Variants in SOX6 observed in about 807,000 individuals in gnomAD.
SOX6 encodes the protein SRY-box transcription factor 6.
SOX6 carries 11 observed loss-of-function variants against 97.8 expected under a neutral mutation model. The ratio of observed to expected loss-of-function variants is 0.11; its 90% CI spans 0.07 to 0.19. The LOEUF (loss-of-function observed/expected upper bound fraction) is 0.19, where lower values mean the gene tolerates loss of function less well. SOX6 is among the 10% of genes least tolerant of loss of function. The pLI, the probability that SOX6 is intolerant of heterozygous loss-of-function variation, is 1.00. For missense variants in SOX6, 810 were observed against 1,039.5 expected, an observed-to-expected ratio of 0.78 and a Z score of 3.04; for synonymous variants, 360 against 371.4, an observed-to-expected ratio of 0.97 and a Z score of 0.35.
At position 15,974,479 on chromosome 11, in the gene SOX6, C is replaced by T. The variant is rs553756129; in HGVS notation, c.2184-1367G>A. ...TATGTATACATGTGCCATGCTGGTG[C>T]GCTGCACCCACTAATGTGTCATCTA... On this transcript the variant is annotated intron_variant, in intron 15 of 15. Transcript: ENST00000683767. Among the ~76,000 whole-genome samples, 574 of 139,476 alleles carry T rather than the reference C, an allele frequency of 4.1e-3. 1 individual carries two copies. The highest frequency in any genetic ancestry group is 0.037 in the Middle Eastern group (8 of 214). 91.5% of individuals were successfully genotyped at this position (139,476 alleles called of 152,430 possible). A position where few individuals can be genotyped will look rare whatever the true frequency, so the allele number is the denominator to read the frequency against.
intron 1 of SOX6, among the ~76,000 whole-genome samples, chr11:16,473,424 T>A (rs1197675128): frequency 6.6e-6 from 1 of 152,206 alleles, no homozygotes; most frequent in Non-Finnish European, 1.5e-5. Context: ...AAAATCATAA[T>A]GATCATTTGA....
chr11:16,247,053 C>T (rs1853358335), intron 3 of SOX6, among the ~76,000 whole-genome samples: 1 of 152,054 alleles, frequency 6.6e-6, no homozygotes, highest in African/African-American at 2.4e-5. Flanking sequence ...CATTTTATCC[C>T]CTGCTCCCCA....
Position 16,412,750 on chromosome 11 carries a change from C to A in SOX6, c.-5+63565G>T, listed in dbSNP as rs1215556766. ...AATTGGTTTTTCTCCTTCTCTCTCT[C>A]AGGCAGGCTCTCCCCTTTCAGTGGC... On this transcript the variant is annotated intron_variant, in intron 1 of 15. Coordinates refer to the SOX6 transcript ENST00000396356. Among the ~76,000 whole-genome samples the A allele has an allele frequency of 2.0e-5, 3 of 152,218 alleles. No individual in the cohort carries two copies. In the East Asian group the frequency reaches 5.8e-4, roughly 29 times the overall value.
intron 2 of SOX6, among the ~76,000 whole-genome samples, chr11:16,321,954 G>A (rs143548395): frequency 1.9e-3 from 292 of 152,006 alleles, no homozygotes; most frequent in African/African-American, 6.7e-3. Flanking sequence ...AAAGGGGCAC[G>A]TAAATTAATA....
chr11:16,402,469 C>G, intron 1 of SOX6, among the ~76,000 whole-genome samples: 1 of 151,556 alleles, frequency 6.6e-6, no homozygotes, highest in East Asian at 1.9e-4. Flanking sequence ...TCTGGGAGTT[C>G]AGGAAGAAGG....
chr11:16,669,101 C>A (rs1191223848), intron 3 of SOX6, among the ~76,000 whole-genome samples: 1 of 152,106 alleles, frequency 6.6e-6, no homozygotes, highest in Admixed American at 6.5e-5. Context: ...TTCTCCTCAG[C>A]ACATGGATCA....
At chr11:16,485,705 T>C (rs1050879494) in intron 4 of SOX6, among the ~76,000 whole-genome samples, 4 of 144,024 alleles carry the variant, frequency 2.8e-5, no homozygotes, top group African/African-American at 1.0e-4. Context: ...CACTCCAGCC[T>C]GGGTGATAGG....
intron 4 of SOX6, among the ~76,000 whole-genome samples, chr11:16,207,349 T>A (rs1022683297): frequency 6.6e-6 from 1 of 152,126 alleles, no homozygotes; most frequent in Non-Finnish European, 1.5e-5. Flanking sequence ...ACGCCTGTAA[T>A]CCTAGCACTT....
chr11:15,984,682 T>G (rs1279524499), intron 15 of SOX6, among the ~76,000 whole-genome samples: 1 of 152,222 alleles, frequency 6.6e-6, no homozygotes, highest in Non-Finnish European at 1.5e-5. Flanking sequence ...AATCCTATTT[T>G]GTCATGTCTT....
intron 1 of SOX6, among the ~76,000 whole-genome samples, chr11:16,461,824 T>C (rs1503444): frequency 0.98 from 149,750 of 152,276 alleles, 73,690 homozygotes; most frequent in East Asian, 1. Context: ...ATAACAAATG[T>C]AATTTAATTA....
chr11:16,346,807 C>G (rs915641453), intron 1 of SOX6, among the ~76,000 whole-genome samples: 1 of 152,152 alleles, frequency 6.6e-6, no homozygotes, highest in African/African-American at 2.4e-5. Context: ...AAATGAAATA[C>G]ATTTGAAGCC....
intron 4 of SOX6, among the ~76,000 whole-genome samples, chr11:16,498,526 G>A (rs537246891): frequency 3.7e-4 from 57 of 152,092 alleles, no homozygotes; most frequent in Non-Finnish European, 7.2e-4. Context: ...ATTGGATAAA[G>A]AGTCAAGACC....
chr11:16,132,505 A>AAAGAAAGAAAGAAAGAAAGCAAGCAAGC (rs1451899878), intron 6 of SOX6, among the ~76,000 whole-genome samples: 5 of 86,150 alleles, frequency 5.8e-5, no homozygotes, highest in Admixed American at 2.4e-4. Context: ...AGAAAGAAAG[A>AAAGAAAGAAAGAAAGAAAGCAAGCAAGC]AAGCTTATCT....
At chr11:16,609,232 G>T (rs35199438) in intron 4 of SOX6, among the ~76,000 whole-genome samples, 42,268 of 152,072 alleles carry the variant, frequency 0.28, 6,130 homozygotes, top group Non-Finnish European at 0.31. Flanking sequence ...GTATGCACAA[G>T]GTGAGGTTGG....
At chr11:16,101,068 T>A (rs1848933772) in intron 7 of SOX6, among the ~76,000 whole-genome samples, 1 of 151,732 alleles carries the variant, frequency 6.6e-6, no homozygotes, top group Admixed American at 6.6e-5. Context: ...TGATAATAAG[T>A]TGCCAAACAA....
rs745434458 is a variant in SOX6 at position 16,046,691 on chromosome 11, A to T, written c.1446T>A (p.Ser482=). 2 of 1,613,404 alleles carry T rather than the reference A, an allele frequency of 1.2e-6. No homozygotes were observed. The highest frequency in any genetic ancestry group is 4.5e-5 in the East Asian group (2 of 44,872). ...CAAAAAGGGCAGGGGAGTTGAGACT[A>T]GATAGGATATCTGCATACACAGGAT... ...LGRGSSLDIL[S]SLNSPALFGD... Residue 482 remains serine (S), a synonymous_variant, in exon 12 of 16, where the codon TCT becomes TCA. Transcript: ENST00000683767.
At chr11:16,386,785 T>C (rs556506726) in intron 1 of SOX6, among the ~76,000 whole-genome samples, 3 of 152,264 alleles carry the variant, frequency 2.0e-5, no homozygotes, top group South Asian at 2.1e-4. Flanking sequence ...TTTTCCTTCA[T>C]AGTATTTATT....
chr11:16,258,290 G>A (rs1301831139), intron 3 of SOX6, among the ~76,000 whole-genome samples: 3 of 151,922 alleles, frequency 2.0e-5, no homozygotes, highest in Non-Finnish European at 2.9e-5. Context: ...ATAATTGCTC[G>A]AACCTGGAAA....
chr11:16,260,214 A>G (rs985455746), intron 3 of SOX6, among the ~76,000 whole-genome samples: 11 of 151,786 alleles, frequency 7.2e-5, no homozygotes, highest in African/African-American at 7.3e-5. Context: ...GTTAGCCACG[A>G]TGGTCTCGAT....
Sources: gnomAD v4.1 joint callset for allele counts (sites outside exome capture counted in the v4.1 genomes callset) on GRCh38, gnomAD v4.1.1 for gene constraint, MANE v1.5 for transcripts, NCBI Gene and HGNC (gene_info 2026-07-23, HGNC 2026-07-21) for gene names.